The following DMGDH variants were observed in gnomAD, a reference collection of about 807,000 sequenced individuals.
DMGDH encodes the protein dimethylglycine dehydrogenase, mitochondrial.
DMGDH carries 76 observed loss-of-function variants against 95.2 expected under a neutral mutation model. The observed-to-expected ratio is 0.80, with a 90% CI of 0.66 to 0.97. The LOEUF is 0.97. Among genes scored for constraint, DMGDH ranks in the 50% least tolerant of loss-of-function variants. The pLI is 0.00. For synonymous variants in DMGDH, 345 were observed against 377.6 expected (o/e 0.91, Z 1.00); for missense variants, 987 against 1,055.0 (o/e 0.94, Z 0.89).
rs200407308 is a variant in DMGDH, at chr5:78,998,056, T to A, written c.*26A>T. ...CAAGGACAGTCATTAGCAACTCTAA[T>A]TCAGTTGACTGCTGAAGGTCTTTTT... On this transcript the variant is annotated 3_prime_UTR_variant, in exon 16 of 16. Coordinates refer to ENST00000255189, the MANE Select transcript of DMGDH (RefSeq NM_013391.3). 25 of 1,612,142 alleles carry A rather than the reference T, an allele frequency of 1.6e-5. No individual in the cohort carries two copies. In the African/African-American group the frequency reaches 2.7e-4, roughly 17 times the overall value.
chr5:79,050,037 A>C (rs1164454297), intron 5 of DMGDH, among the ~76,000 whole-genome samples: 1 of 151,564 alleles, frequency 6.6e-6, no homozygotes, highest in African/African-American at 2.4e-5. Context: ...CGGGTAGATC[A>C]CCTGAGGTCA....
At chr5:79,039,193 C>T (rs1308243960) in intron 7 of DMGDH, among the ~76,000 whole-genome samples, 2 of 151,570 alleles carry the variant, frequency 1.3e-5, no homozygotes, top group South Asian at 2.1e-4. Flanking sequence ...TTTGACCCAG[C>T]CATCCCATTA....
intron 9 of DMGDH, 99 bp from the exon 10 acceptor site, chr5:79,031,097 T>C (rs533767476): frequency 9.3e-6 from 12 of 1,283,880 alleles, no homozygotes; most frequent in African/African-American, 8.2e-5. Flanking sequence ...TAGAAAATCC[T>C]ACGGGCAGCG....
At chr5:79,005,507 A>G in intron 14 of DMGDH, 100 bp from the exon 15 acceptor site, 4 of 1,477,526 alleles carry the variant, frequency 2.7e-6, no homozygotes, top group Non-Finnish European at 3.7e-6. Context: ...TTTCTCACCA[A>G]TTACACATTA....
At chr5:79,048,943 T>C (rs1220474915) in intron 5 of DMGDH, among the ~76,000 whole-genome samples, 1 of 151,760 alleles carries the variant, frequency 6.6e-6, no homozygotes, top group African/African-American at 2.4e-5. Context: ...TTCCCACAAG[T>C]TTCAGCAAAG....
At chr5:79,053,274 T>C (rs77103664) in intron 4 of DMGDH, among the ~76,000 whole-genome samples, 9,725 of 152,150 alleles carry the variant, frequency 0.064, 673 homozygotes, top group African/African-American at 0.15. Context: ...TGCCTCAGCC[T>C]CCCAAGTAGC....
intron 13 of DMGDH, among the ~76,000 whole-genome samples, chr5:79,024,713 C>A (rs1398252228): frequency 6.6e-6 from 1 of 152,160 alleles, no homozygotes; most frequent in Non-Finnish European, 1.5e-5. Context: ...TTACAATTCA[C>A]CAAGAATCAG....
intron 14 of DMGDH, among the ~76,000 whole-genome samples, chr5:79,009,296 A>G (rs1002928856): frequency 1.3e-5 from 2 of 149,026 alleles, no homozygotes; most frequent in Non-Finnish European, 3.0e-5. Flanking sequence ...TCTAACAAAA[A>G]CAACAGCAAA....
chr5:79,054,877 T>C (rs1256351779), intron 3 of DMGDH, among the ~76,000 whole-genome samples: 4 of 152,240 alleles, frequency 2.6e-5, no homozygotes, highest in African/African-American at 4.8e-5. Flanking sequence ...TCAAGTTACT[T>C]GTAGGGAGGA....
chr5:78,999,841 G>A (rs996118681), intron 15 of DMGDH, among the ~76,000 whole-genome samples: 64 of 151,706 alleles, frequency 4.2e-4, no homozygotes, highest in African/African-American at 1.5e-3. Context: ...ATTAGGGTCA[G>A]AGAGGTTAGA....
intron 13 of DMGDH, among the ~76,000 whole-genome samples, chr5:79,025,335 G>A (rs1258208213): frequency 1.3e-5 from 2 of 152,144 alleles, no homozygotes; most frequent in African/African-American, 4.8e-5. Context: ...GGACCGCGCT[G>A]TCCTCCGTTT....
chr5:79,020,890 A>G, intron 14 of DMGDH: 1 of 985,452 alleles, frequency 1.0e-6, no homozygotes, highest in Non-Finnish European at 1.2e-6. Context: ...CCAGAAATGG[A>G]CAAAAATTCA....
At chr5:79,011,247 G>T (rs1753643407) in intron 14 of DMGDH, among the ~76,000 whole-genome samples, 1 of 152,148 alleles carries the variant, frequency 6.6e-6, no homozygotes, top group African/African-American at 2.4e-5. Flanking sequence ...GAGTCTTAAA[G>T]CAAGCAGAAA....
chr5:79,032,094 T>A (rs1258456742), intron 9 of DMGDH, among the ~76,000 whole-genome samples: 1 of 152,202 alleles, frequency 6.6e-6, no homozygotes, highest in Admixed American at 6.5e-5. Flanking sequence ...GAGAAAAAAA[T>A]ATATAATCAC....
At chr5:79,068,453 T>C (rs1394201454) in intron 1 of DMGDH, among the ~76,000 whole-genome samples, 1 of 152,200 alleles carries the variant, frequency 6.6e-6, no homozygotes, top group Admixed American at 6.5e-5. Flanking sequence ...ATGAGGAAAC[T>C]GAACCTCAGA....
chr5:79,021,157 C>T (rs1364413912), intron 14 of DMGDH: 211 of 987,470 alleles, frequency 2.1e-4, no homozygotes, highest in Non-Finnish European at 2.5e-4. Context: ...CAGCTTTGGT[C>T]AAGGCTTCCT....
chr5:79,042,618 A>C, intron 6 of DMGDH, 137 bp from the exon 7 acceptor site: 1 of 773,878 alleles, frequency 1.3e-6, no homozygotes, highest in Non-Finnish European at 2.3e-6. Context: ...TAAAGTCTAA[A>C]TTTCATATTC....
At chr5:79,062,759 C>A (rs1415625587) in intron 2 of DMGDH, among the ~76,000 whole-genome samples, 2 of 152,080 alleles carry the variant, frequency 1.3e-5, no homozygotes, top group Non-Finnish European at 2.9e-5. Flanking sequence ...TCCTCATATT[C>A]AAGTCCTCAG....
At chr5:79,041,907 G>A (rs1754521286) in intron 7 of DMGDH, among the ~76,000 whole-genome samples, 1 of 152,306 alleles carries the variant, frequency 6.6e-6, no homozygotes, top group African/African-American at 2.4e-5. Context: ...GGCTGAGGCA[G>A]GAGAATCGCT....
Sources: gnomAD v4.1 joint callset for allele counts (sites outside exome capture counted in the v4.1 genomes callset) on GRCh38, gnomAD v4.1.1 for gene constraint, MANE v1.5 for transcripts, NCBI Gene and HGNC (gene_info 2026-07-23, HGNC 2026-07-21) for gene names.